The following TAOK1 variants were observed in gnomAD, a reference collection of about 807,000 sequenced individuals.
TAOK1 encodes the protein serine/threonine-protein kinase TAO1.
In TAOK1, 21 loss-of-function variants were observed where a neutral mutation model predicts 138.3. That is an observed-to-expected ratio of 0.15 (90% CI 0.11 to 0.22). TAOK1 has a LOEUF of 0.22. Among genes scored for constraint, TAOK1 ranks in the 10% least tolerant of loss-of-function variants. The pLI is 1.00. For synonymous variants in TAOK1, 361 were observed against 398.4 expected (o/e 0.91, Z 1.12); for missense variants, 651 against 1,227.7 (o/e 0.53, Z 7.02).
chr17:29,547,238 A>G lies in TAOK1; in HGVS notation c.*4216A>G, dbSNP rs1306484211. ...TTTTACTCCATTAATACTAATAATTATATACTTTGCTGAGGATCAAAACAG... is the reference window on the plus strand; with the variant it reads ...TTTTACTCCATTAATACTAATAATTGTATACTTTGCTGAGGATCAAAACAG... On this transcript the variant is annotated 3_prime_UTR_variant, in exon 20 of 20. Coordinates refer to ENST00000261716, the MANE Select transcript of TAOK1 (RefSeq NM_020791.4). 2 of 152,152 alleles carry G rather than the reference A, an allele frequency of 1.3e-5. No homozygotes were observed. Among genetic ancestry groups the G allele is most frequent in the Admixed American group, 1.3e-4 (2 of 15,268 alleles). 9.4% of individuals were successfully genotyped at this position (152,152 alleles called of 1,614,324 possible).
At chr17:29,449,794 T>C (rs1374690302) in intron 1 of TAOK1, among the ~76,000 whole-genome samples, 1 of 152,146 alleles carries the variant, frequency 6.6e-6, no homozygotes, top group Non-Finnish European at 1.5e-5. Flanking sequence ...TGAGCTGAGA[T>C]TGTGCCATTG....
intron 1 of TAOK1, among the ~76,000 whole-genome samples, chr17:29,398,655 G>A (rs1410514644): frequency 1.3e-5 from 2 of 151,416 alleles, no homozygotes; most frequent in Non-Finnish European, 2.9e-5. Flanking sequence ...TCAGCCTCCC[G>A]GGTAGCTGGG....
chr17:29,496,104 T>G (rs553678371), intron 11 of TAOK1, among the ~76,000 whole-genome samples: 10 of 152,130 alleles, frequency 6.6e-5, no homozygotes, highest in Admixed American at 5.9e-4. Flanking sequence ...TTTTTTAATT[T>G]TTTTGTTTAT....
chr17:29,418,321 C>G (rs1598472427), intron 1 of TAOK1, among the ~76,000 whole-genome samples: 1 of 152,192 alleles, frequency 6.6e-6, no homozygotes, highest in East Asian at 1.9e-4. Context: ...GTAGCTAGGA[C>G]TGCAGGCACA....
In TAOK1 at chr17:29,547,818, C is replaced by T. The variant is rs1350636235; in HGVS notation, c.*4796C>T. 1 of 152,122 alleles carries T rather than the reference C, an allele frequency of 6.6e-6. No homozygotes were observed. Among genetic ancestry groups the T allele is most frequent in the Non-Finnish European group, 1.5e-5 (1 of 67,976 alleles). 9.4% of individuals were successfully genotyped at this position (152,122 alleles called of 1,614,324 possible). A position where few individuals can be genotyped will look rare whatever the true frequency, so the allele number is the denominator to read the frequency against. On this transcript the variant is annotated 3_prime_UTR_variant, in exon 20 of 20. Transcript: ENST00000261716. ...CTCACTCACTCTTAGTTTTTAAGAA[C>T]TGGAAATTTCCCATCCTCAGATCCC...
chr17:29,426,587 A>C (rs1336440315), intron 1 of TAOK1, among the ~76,000 whole-genome samples: 1 of 152,200 alleles, frequency 6.6e-6, no homozygotes, highest in East Asian at 1.9e-4. Flanking sequence ...GGGGCGAGTG[A>C]GGACTGAAAT....
chr17:29,430,510 CGAA>C (rs1905792815), intron 1 of TAOK1, among the ~76,000 whole-genome samples: 1 of 152,192 alleles, frequency 6.6e-6, no homozygotes, highest in Non-Finnish European at 1.5e-5. Flanking sequence ...AAGTTGCAAA[CGAA>C]GACTCCACCA....
At chr17:29,420,157 T>G (rs1003963863) in intron 1 of TAOK1, among the ~76,000 whole-genome samples, 2 of 150,812 alleles carry the variant, frequency 1.3e-5, no homozygotes, top group Admixed American at 1.3e-4. Context: ...CAGTCCTCCC[T>G]CCTCAGCCTC....
chr17:29,431,152 C>A (rs1905814413), intron 1 of TAOK1, among the ~76,000 whole-genome samples: 1 of 152,116 alleles, frequency 6.6e-6, no homozygotes, highest in African/African-American at 2.4e-5. Context: ...TAGTCCAAAA[C>A]AATGACCTCC....
chr17:29,475,850 G>A (rs1241299378), intron 4 of TAOK1, 79 bp downstream of exon 4: 6 of 1,087,456 alleles, frequency 5.5e-6, no homozygotes, highest in Non-Finnish European at 8.4e-6. Context: ...TCTCATACTG[G>A]TTGTGTAAAT....
At chr17:29,460,990 C>G (rs2030517536) in intron 2 of TAOK1, among the ~76,000 whole-genome samples, 1 of 152,150 alleles carries the variant, frequency 6.6e-6, no homozygotes. Flanking sequence ...GTTTGCACCT[C>G]CTTATGTAAT....
intron 14 of TAOK1, 59 bp from the exon 15 acceptor site, chr17:29,510,805 A>G: frequency 3.8e-6 from 5 of 1,303,016 alleles, no homozygotes; most frequent in East Asian, 2.5e-5. Context: ...AATGATGTAT[A>G]TTAAACCACT....
chr17:29,523,301 A>G (rs1237114151), intron 17 of TAOK1, among the ~76,000 whole-genome samples: 2 of 151,790 alleles, frequency 1.3e-5, no homozygotes, highest in Non-Finnish European at 2.9e-5. Flanking sequence ...AACAAGAAAA[A>G]GTTTTCTTCT....
Position 29,469,393 on chromosome 17 carries a change from C to T in TAOK1, c.204+2177C>T, listed in dbSNP as rs528756753. The stretch of plus-strand genomic sequence containing the variant: ...ATTTCAGTGGAATTAAGTGCATTCA[C>T]GTTGTGCAACCATTATCACCATGCG... On this transcript the variant is annotated intron_variant, in intron 3 of 19. Coordinates refer to ENST00000261716, the MANE Select transcript of TAOK1 (RefSeq NM_020791.4). Among the ~76,000 whole-genome samples, 16 of 152,196 alleles carry T rather than the reference C, an allele frequency of 1.1e-4. No individual in the cohort carries two copies. In the East Asian group the frequency reaches 2.7e-3, roughly 26 times the overall value.
At chr17:29,397,032 C>T (rs1456781534) in intron 1 of TAOK1, among the ~76,000 whole-genome samples, 11 of 114,052 alleles carry the variant, frequency 9.6e-5, no homozygotes, top group East Asian at 4.0e-4. Context: ...TGGTGGCTCA[C>T]GCCTGTAATC....
rs1156819094 is a variant in TAOK1, at chr17:29,545,526, T to A, written c.*2504T>A. 6.6e-6 allele frequency: 1 copy of A among 152,178 alleles called. No individual in the cohort carries two copies. The highest frequency in any genetic ancestry group is 1.5e-5 in the Non-Finnish European group (1 of 68,010). 9.4% of individuals were successfully genotyped at this position (152,178 alleles called of 1,614,324 possible). A position where few individuals can be genotyped will look rare whatever the true frequency, so the allele number is the denominator to read the frequency against. On this transcript the variant is annotated 3_prime_UTR_variant, in exon 20 of 20. Transcript: ENST00000261716. ...CATTCAGATCTCCAGTAGGGTTTTG[T>A]ATCTAATGTATTTGGCCACCAGTTT...
At chr17:29,493,727 T>TA (rs1034282337) in intron 10 of TAOK1, among the ~76,000 whole-genome samples, 1 of 152,084 alleles carries the variant, frequency 6.6e-6, no homozygotes, top group African/African-American at 2.4e-5. Flanking sequence ...TTGGACTAAT[T>TA]ACATTTCTGT....
chr17:29,495,896 T>A (rs1247580318), intron 11 of TAOK1, among the ~76,000 whole-genome samples, 169 bp downstream of exon 11: 1 of 152,168 alleles, frequency 6.6e-6, no homozygotes, highest in African/African-American at 2.4e-5. Context: ...TCCTTTTTTC[T>A]TGGAGAAATA....
Position 29,543,170 on chromosome 17 carries a change from T to C in TAOK1, c.*148T>C, listed in dbSNP as rs2032348140. 2.7e-6 allele frequency: 2 copies of C among 728,186 alleles called. No individual in the cohort carries two copies. The highest frequency in any genetic ancestry group is 3.3e-5 in the Admixed American group (1 of 29,990). 45.1% of individuals were successfully genotyped at this position (728,186 alleles called of 1,614,324 possible). On this transcript the variant is annotated 3_prime_UTR_variant, in exon 20 of 20. Transcript: ENST00000261716. ...TTTTATTCATTTTTGTAAAGCGTTCTGTTTTGTGTTTACTAATTGGGATGT... is the reference window on the plus strand; with the variant it reads ...TTTTATTCATTTTTGTAAAGCGTTCCGTTTTGTGTTTACTAATTGGGATGT...
Sources: allele counts gnomAD v4.1 joint callset (sites outside exome capture counted in the v4.1 genomes callset), GRCh38; gene constraint gnomAD v4.1.1; transcripts MANE v1.5; gene names NCBI Gene and HGNC (gene_info 2026-07-23, HGNC 2026-07-21).